Variants in ZNF292 observed in about 807,000 individuals in gnomAD.
ZNF292 encodes the protein 16 zinc-finger domain protein.
A neutral mutation model predicts 217.9 loss-of-function variants in ZNF292; 26 were observed. The observed-to-expected ratio is 0.12, with a 90% confidence interval of 0.09 to 0.17. The LOEUF (loss-of-function observed/expected upper bound fraction) is 0.17, where lower values mean the gene tolerates loss of function less well. ZNF292 is among the 10% of genes least tolerant of loss of function. The pLI is 1.00. For missense variants in ZNF292, 2,904 were observed against 3,175.2 expected, an observed-to-expected ratio of 0.91 and a Z score of 2.05; for synonymous variants, 1,257 against 1,124.1, an observed-to-expected ratio of 1.12 and a Z score of -2.37.
rs1281297821 is a variant in ZNF292 at position 87,260,903 on chromosome 6, T to C, written c.7274T>C (p.Ile2425Thr). Reference sequence around the variant, plus strand: ...ACATCACAACACCGAAATCTTCTTATTGTATTCAAACGGTGTTGCAACTCA... The same window carrying C: ...ACATCACAACACCGAAATCTTCTTACTGTATTCAAACGGTGTTGCAACTCA... Reference protein sequence around the residue: ...AFTSQHRNLLIVFKRCCNSQV... With the variant: ...AFTSQHRNLLTVFKRCCNSQV... The change falls in exon 8 of 8, where the codon ATT becomes ACT. Residue 2425 changes from isoleucine (I) to threonine (T), a missense_variant. By Grantham distance (89) the Ile-to-Thr change is moderately conservative. Around this residue, in one of 15 missense-constraint regions of ZNF292, gnomAD observed 380 missense variants for 355.3 expected, o/e 1.07. Transcript: ENST00000369577. 5.0e-6 allele frequency: 8 copies of C among 1,610,786 alleles called. No individual in the cohort carries two copies. The highest frequency in any genetic ancestry group is 1.7e-5 in the Admixed American group (1 of 59,450).
rs1455505185 is a variant in ZNF292 at position 87,155,899 on chromosome 6, G to T, written c.168+140G>T. The T allele has an allele frequency of 6.3e-6, 7 of 1,108,700 alleles. No homozygotes were observed. The East Asian group carries it at 1.9e-4, about 30-fold the overall frequency. The allele number at this position is 1,108,700 out of a possible 1,614,324, so 68.7% of individuals were successfully genotyped here. The stretch of plus-strand genomic sequence containing the variant: ...GCCTGGGTGGGAGCGGGAGTAGAAG[G>T]AAGGCGCCTTTGTGTGGCTGCAGTT... On this transcript the variant is annotated intron_variant, in intron 1 of 7. Transcript: ENST00000369577.
chr6:87,167,500 G>T (rs572910132), intron 1 of ZNF292, among the ~76,000 whole-genome samples: 1 of 152,302 alleles, frequency 6.6e-6, no homozygotes, highest in South Asian at 2.1e-4. Flanking sequence ...AATTAGCTGG[G>T]CTTGGTGGCA....
chr6:87,171,222 G>A (rs1319398289), intron 1 of ZNF292, among the ~76,000 whole-genome samples: 1 of 152,096 alleles, frequency 6.6e-6, no homozygotes, highest in Non-Finnish European at 1.5e-5. Context: ...GAGATTAGTG[G>A]CTTTATAGTT....
intron 5 of ZNF292, among the ~76,000 whole-genome samples, chr6:87,238,186 T>G (rs1773992594): frequency 6.6e-6 from 1 of 152,144 alleles, no homozygotes; most frequent in African/African-American, 2.4e-5. Context: ...ATTTATATTT[T>G]TAAATATTAA....
At chr6:87,184,887 A>G (rs1771594657) in intron 1 of ZNF292, among the ~76,000 whole-genome samples, 1 of 152,182 alleles carries the variant, frequency 6.6e-6, no homozygotes, top group Non-Finnish European at 1.5e-5. Context: ...AGCAGAAGAA[A>G]AGTCTTGTCC....
At chr6:87,210,605 C>T (rs1445790578) in intron 1 of ZNF292, among the ~76,000 whole-genome samples, 2 of 151,944 alleles carry the variant, frequency 1.3e-5, no homozygotes, top group Non-Finnish European at 2.9e-5. Flanking sequence ...CAAGGTGAAA[C>T]GCCGTCTCTA....
intron 1 of ZNF292, among the ~76,000 whole-genome samples, chr6:87,200,157 C>T (rs912982261): frequency 1.3e-5 from 2 of 152,162 alleles, no homozygotes; most frequent in Non-Finnish European, 2.9e-5. Flanking sequence ...AATTTTGGAC[C>T]TCCCACATGA....
At chr6:87,210,263 TTTTTAAA>T (rs1221980493) in intron 1 of ZNF292, among the ~76,000 whole-genome samples, 1 of 152,220 alleles carries the variant, frequency 6.6e-6, no homozygotes, top group Non-Finnish European at 1.5e-5. Flanking sequence ...AAAAAATTTT[TTTTTAAA>T]TTGTTTGTTA....
intron 7 of ZNF292, among the ~76,000 whole-genome samples, chr6:87,251,401 A>G (rs541465905): frequency 6.6e-6 from 1 of 152,332 alleles, no homozygotes; most frequent in South Asian, 2.1e-4. Flanking sequence ...TAGGTCAAGG[A>G]TACTAGGCAG....
Position 87,261,502 on chromosome 6 carries a change from T to A in ZNF292, c.7873T>A (p.Ser2625Thr), listed in dbSNP as rs1217598058. ...PNTGNKKGSH[S>T]NSRKNIDKTA... Reference sequence around the variant, plus strand: ...TACTGGAAACAAAAAAGGATCCCATTCAAATTCAAGAAAAAATATTGATAA... The same window carrying A: ...TACTGGAAACAAAAAAGGATCCCATACAAATTCAAGAAAAAATATTGATAA... The change falls in exon 8 of 8, where the codon TCA becomes ACA. Residue 2625 changes from serine to threonine, a missense_variant. Physicochemically the swap from Ser to Thr is moderately conservative, Grantham distance 58. Coordinates refer to ENST00000369577, the MANE Select transcript of ZNF292 (RefSeq NM_015021.3). 1 of 1,605,992 alleles carries A rather than the reference T, an allele frequency of 6.2e-7. No individual in the cohort carries two copies. The highest frequency in any genetic ancestry group is 1.1e-5 in the South Asian group (1 of 89,922).
At chr6:87,182,802 TA>T (rs1406714463) in intron 1 of ZNF292, among the ~76,000 whole-genome samples, 1 of 152,204 alleles carries the variant, frequency 6.6e-6, no homozygotes, top group African/African-American at 2.4e-5. Flanking sequence ...CATTTTGTAT[TA>T]AGTAAATTAT....
rs1027955803 is a variant in ZNF292 at position 87,264,228 on chromosome 6, C to T, written c.*2427C>T. On this transcript the variant is annotated 3_prime_UTR_variant, in exon 8 of 8. Transcript: ENST00000369577. ...TCCCCAGCCTATTGTCTTGAGATAT[C>T]TTCTACAGCCTAAATTTGCTAAAGT... 2 of 152,058 alleles carry T rather than the reference C, an allele frequency of 1.3e-5. No homozygotes were observed. The highest frequency in any genetic ancestry group is 2.9e-5 in the Non-Finnish European group (2 of 68,000). 9.4% of individuals were successfully genotyped at this position (152,058 alleles called of 1,614,324 possible).
chr6:87,163,189 C>T (rs1438678855), intron 1 of ZNF292, among the ~76,000 whole-genome samples: 5 of 152,170 alleles, frequency 3.3e-5, no homozygotes, highest in East Asian at 1.9e-4. Context: ...CGGTGGCTCA[C>T]GCCTGTAATC....
chr6:87,175,781 A>G (rs1275831932), intron 1 of ZNF292, among the ~76,000 whole-genome samples: 1 of 152,188 alleles, frequency 6.6e-6, no homozygotes, highest in Non-Finnish European at 1.5e-5. Flanking sequence ...GAAATCATAA[A>G]CTTTCATATT....
At chr6:87,240,168 A>G (rs962372265) in intron 5 of ZNF292, among the ~76,000 whole-genome samples, 2 of 152,180 alleles carry the variant, frequency 1.3e-5, no homozygotes, top group Non-Finnish European at 2.9e-5. Flanking sequence ...CGGCCAACAC[A>G]GCGAAACCCC....
At chr6:87,184,782 G>T (rs1048703176) in intron 1 of ZNF292, among the ~76,000 whole-genome samples, 9 of 152,214 alleles carry the variant, frequency 5.9e-5, no homozygotes, top group African/African-American at 2.2e-4. Context: ...GTAACTCTCA[G>T]TGGGAGATTG....
chr6:87,261,686 A>G lies in ZNF292; in HGVS notation c.8057A>G (p.Gln2686Arg). Residue 2686 changes from glutamine (Q) to arginine (R), a missense_variant, in exon 8 of 8, where the codon CAG becomes CGG. Coordinates refer to ENST00000369577, the MANE Select transcript of ZNF292 (RefSeq NM_015021.3). The part of the protein sequence containing the change: ...DCTELVLKQL[Q>R]EMKPTVSLKK... ...ACTGAGCTTGTCTTAAAGCAACTTC[A>G]GGAAATGAAACCTACCGTCAGTCTG... 6.2e-7 allele frequency: 1 copy of G among 1,613,092 alleles called. No individual in the cohort carries two copies. The highest frequency in any genetic ancestry group is 8.5e-7 in the Non-Finnish European group (1 of 1,179,414).
At chr6:87,219,385 A>G (rs937063557) in intron 4 of ZNF292, among the ~76,000 whole-genome samples, 10 of 152,244 alleles carry the variant, frequency 6.6e-5, no homozygotes, top group Non-Finnish European at 1.2e-4. Flanking sequence ...TAACTAAAGA[A>G]GTAAATTTTT....
At chr6:87,210,795 A>C (rs536105594) in intron 1 of ZNF292, among the ~76,000 whole-genome samples, 1 of 151,426 alleles carries the variant, frequency 6.6e-6, no homozygotes, top group East Asian at 1.9e-4. Flanking sequence ...CAAACAAACA[A>C]ACAAAGAATG....
Sources: gnomAD v4.1 joint callset for allele counts (sites outside exome capture counted in the v4.1 genomes callset) on GRCh38, gnomAD v4.1.1 for gene constraint, gnomAD v4.1.1 regional missense constraint, MANE v1.5 for transcripts, NCBI Gene and HGNC (gene_info 2026-07-23, HGNC 2026-07-21) for gene names.